Variants in MBOAT1 observed in about 807,000 individuals in gnomAD.
The protein encoded by MBOAT1 is membrane-bound glycerophospholipid O-acyltransferase 1.
In MBOAT1, 67 loss-of-function variants were observed where a neutral mutation model predicts 64.4. The ratio of observed to expected loss-of-function variants is 1.04; its 90% CI spans 0.85 to 1.27. The LOEUF (loss-of-function observed/expected upper bound fraction) is 1.27. Among genes scored for constraint, MBOAT1 ranks in the 50% most tolerant of loss-of-function variants. MBOAT1 has a pLI of 0.00. For synonymous variants in MBOAT1, 229 were observed against 218.9 expected (o/e 1.05, Z -0.41); for missense variants, 563 against 604.6 (o/e 0.93, Z 0.72).
rs1561752065 is a variant in MBOAT1 at position 20,124,686 on chromosome 6, G to A, written c.715-86C>T. 15 of 1,255,096 alleles carry A rather than the reference G, an allele frequency of 1.2e-5. No homozygotes were observed. The East Asian group carries it at 1.4e-4, about 12-fold the overall frequency. The allele number at this position is 1,255,096 out of a possible 1,614,324, so 77.7% of individuals were successfully genotyped here. On this transcript the variant is annotated intron_variant, in intron 7 of 12. Coordinates refer to ENST00000324607, the MANE Select transcript of MBOAT1 (RefSeq NM_001080480.3). ...TTGGAATGGACCTGTTAAGGACAAC[G>A]TTGCTCCAACAGCTGCTTGGCATTA... is the stretch of plus-strand genomic sequence containing the variant.
At position 20,190,221 on chromosome 6, in the gene MBOAT1, C is replaced by G. The variant is rs1762768232; in HGVS notation, c.99+21915G>C. ...TGTTGGCCAGGCTGGTCTTGATCTC[C>G]TGACCTCATGATTCACCCACCTTGG... On this transcript the variant is annotated intron_variant, in intron 1 of 12. Coordinates refer to ENST00000324607, the MANE Select transcript of MBOAT1 (RefSeq NM_001080480.3). 5.9e-5 allele frequency among the ~76,000 whole-genome samples: 9 copies of G among 152,274 alleles called. No individual in the cohort carries two copies. In the South Asian group the frequency reaches 1.9e-3, roughly 32 times the overall value.
Position 20,124,467 on chromosome 6 carries a change from C to G in MBOAT1, c.848G>C (p.Cys283Ser), listed in dbSNP as rs766387842. The part of the protein sequence containing the change: ...VHKASFPARL[C>S]YLYVVMQASK... Reference sequence around the variant, plus strand: ...GGCTTGCATGACAACATATAAGTAGCAGAGTCGAGCCGGAAAGCTTGCTTT... The same window carrying G: ...GGCTTGCATGACAACATATAAGTAGGAGAGTCGAGCCGGAAAGCTTGCTTT... The change falls in exon 8 of 13, where the codon TGC becomes TCC. Residue 283 changes from cysteine (C) to serine (S), a missense_variant. Coordinates refer to ENST00000324607, the MANE Select transcript of MBOAT1 (RefSeq NM_001080480.3). The G allele has an allele frequency of 5.0e-6, 8 of 1,614,156 alleles. No homozygotes were observed. The highest frequency in any genetic ancestry group is 5.1e-6 in the Non-Finnish European group (6 of 1,180,026).
rs535761120 is a variant in MBOAT1, at chr6:20,179,346, C to T, written c.100-26577G>A. On this transcript the variant is annotated intron_variant, in intron 1 of 12. Coordinates refer to ENST00000324607, the MANE Select transcript of MBOAT1 (RefSeq NM_001080480.3). The stretch of plus-strand genomic sequence containing the variant: ...TAAGCCCCATTGTGTGCTGTTCCCC[C>T]CAACCATGTGTCCATGTGTTCTCAT... Among the ~76,000 whole-genome samples, 5 of 152,260 alleles carry T rather than the reference C, an allele frequency of 3.3e-5. No individual in the cohort carries two copies. The South Asian group carries it at 8.3e-4, about 25-fold the overall frequency.
chr6:20,145,063 A>G (rs544599094), intron 3 of MBOAT1, among the ~76,000 whole-genome samples: 23 of 152,362 alleles, frequency 1.5e-4, no homozygotes, highest in African/African-American at 5.5e-4. Flanking sequence ...GTAATTATAA[A>G]TATAGGTGAT....
In MBOAT1 at chr6:20,124,613, A is replaced by T; in HGVS notation, c.715-13T>A. On this transcript the variant is annotated splice_polypyrimidine_tract_variant and intron_variant, in intron 7 of 12. Coordinates refer to ENST00000324607, the MANE Select transcript of MBOAT1 (RefSeq NM_001080480.3). The stretch of plus-strand genomic sequence containing the variant: ...GTATCACAGCTCCCTGAAAATGGGG[A>T]AAAATCAGTGTCACCGTGCAGAAGG... The T allele has an allele frequency of 6.2e-7, 1 of 1,613,074 alleles. No homozygotes were observed. Among genetic ancestry groups the T allele is most frequent in the South Asian group, 1.1e-5 (1 of 90,970 alleles).
intron 1 of MBOAT1, among the ~76,000 whole-genome samples, chr6:20,208,690 AG>A (rs112710742): frequency 3.9e-4 from 59 of 150,536 alleles, no homozygotes; most frequent in East Asian, 1.6e-3. Flanking sequence ...ATGCCAAATT[AG>A]GGGGAAAAAA....
rs776368594 is a variant in MBOAT1, at chr6:20,152,739, G to C, written c.130C>G (p.Leu44Val). The change falls in exon 2 of 13, where the codon CTG becomes GTG. Residue 44 changes from leucine (L) to valine (V), a missense_variant. Transcript: ENST00000324607. The part of the protein sequence containing the change: ...VNFVVCQLVA[L>V]FAAFWFRIYL... Reference sequence around the variant, plus strand: ...ATGCGAAACCAGAAAGCAGCAAACAGAGCAACAAGCTGGCATACCACAAAA... The same window carrying C: ...ATGCGAAACCAGAAAGCAGCAAACACAGCAACAAGCTGGCATACCACAAAA... The C allele has an allele frequency of 1.9e-6, 3 of 1,612,282 alleles. No individual in the cohort carries two copies. Among genetic ancestry groups the C allele is most frequent in the Non-Finnish European group, 2.5e-6 (3 of 1,178,800 alleles).
intron 1 of MBOAT1, among the ~76,000 whole-genome samples, chr6:20,169,940 C>G (rs1410559197): frequency 6.6e-6 from 1 of 152,192 alleles, no homozygotes; most frequent in Non-Finnish European, 1.5e-5. Context: ...CGACTATCTC[C>G]TTTCTTGCAA....
At chr6:20,160,699 AT>A (rs1761826920) in intron 1 of MBOAT1, among the ~76,000 whole-genome samples, 1 of 152,174 alleles carries the variant, frequency 6.6e-6, no homozygotes, top group South Asian at 2.1e-4. Context: ...ACTCTTTTGC[AT>A]TGCCCCCTAC....
rs142064382 is a variant in MBOAT1, at chr6:20,154,172, T to C, written c.100-1403A>G. 4.6e-3 allele frequency among the ~76,000 whole-genome samples: 699 copies of C among 152,334 alleles called. 6 individuals are homozygous for C. The highest frequency in any genetic ancestry group is 0.016 in the African/African-American group (670 of 41,566). On this transcript the variant is annotated intron_variant, in intron 1 of 12. Coordinates refer to ENST00000324607, the MANE Select transcript of MBOAT1 (RefSeq NM_001080480.3). Reference sequence around the variant, plus strand: ...ATTTTGTTTGCCCAGTGAAAAACAATACTTTGGACCCTTTGTAACTCGTAG... The same window carrying C: ...ATTTTGTTTGCCCAGTGAAAAACAACACTTTGGACCCTTTGTAACTCGTAG...
intron 11 of MBOAT1, among the ~76,000 whole-genome samples, chr6:20,111,053 T>C (rs1335625404): frequency 6.6e-6 from 1 of 152,224 alleles, no homozygotes; most frequent in Admixed American, 6.5e-5. Context: ...TCAAGCCTAT[T>C]ATGTTAGCAT....
At chr6:20,127,115 C>T (rs1760677349) in intron 6 of MBOAT1, among the ~76,000 whole-genome samples, 1 of 152,134 alleles carries the variant, frequency 6.6e-6, no homozygotes, top group Admixed American at 6.5e-5. Context: ...TCCCGATTGC[C>T]AACATAAATA....
chr6:20,188,998 G>T (rs912219470), intron 1 of MBOAT1, among the ~76,000 whole-genome samples: 1 of 152,052 alleles, frequency 6.6e-6, no homozygotes, highest in Non-Finnish European at 1.5e-5. Flanking sequence ...TATTCCCTCA[G>T]AGTCTTGGAA....
chr6:20,193,101 G>A (rs1454552345), intron 1 of MBOAT1, among the ~76,000 whole-genome samples: 1 of 140,868 alleles, frequency 7.1e-6, no homozygotes, highest in East Asian at 2.1e-4. Flanking sequence ...CGTCTCCCGG[G>A]TTCACGCCAT....
rs985799888 is a variant in MBOAT1 at position 20,131,056 on chromosome 6, A to G, written c.475+88T>C. The G allele has an allele frequency of 2.4e-5, 29 of 1,186,406 alleles. No homozygotes were observed. The African/African-American group carries it at 4.1e-4, about 17-fold the overall frequency. 73.5% of individuals were successfully genotyped at this position (1,186,406 alleles called of 1,614,324 possible). On this transcript the variant is annotated intron_variant, in intron 5 of 12. Transcript: ENST00000324607. ...AAGCAAGATCTGCCAGCATTTGTCT[A>G]AACTTTGGACTGTGTACATAGTATA...
chr6:20,184,226 G>T (rs1762586205), intron 1 of MBOAT1, among the ~76,000 whole-genome samples: 1 of 152,210 alleles, frequency 6.6e-6, no homozygotes, highest in Non-Finnish European at 1.5e-5. Flanking sequence ...ACCCATGAGG[G>T]GAGGGTATGT....
chr6:20,206,454 G>A (rs983400196), intron 1 of MBOAT1, among the ~76,000 whole-genome samples: 1 of 152,160 alleles, frequency 6.6e-6, no homozygotes, highest in Non-Finnish European at 1.5e-5. Context: ...GATTACAGGC[G>A]TGAGCCACCA....
intron 4 of MBOAT1, among the ~76,000 whole-genome samples, chr6:20,131,949 C>T (rs1178360827): frequency 6.6e-6 from 1 of 152,082 alleles, no homozygotes; most frequent in Non-Finnish European, 1.5e-5. Context: ...GTGGCATAAA[C>T]ATGGCTCACT....
At chr6:20,191,701 T>C (rs181614196) in intron 1 of MBOAT1, among the ~76,000 whole-genome samples, 162 of 152,340 alleles carry the variant, frequency 1.1e-3, no homozygotes, top group African/African-American at 3.7e-3. Context: ...AACAGGGCAA[T>C]TGCAGAGATG....
Sources: gnomAD v4.1 joint callset for allele counts (sites outside exome capture counted in the v4.1 genomes callset) on GRCh38, gnomAD v4.1.1 for gene constraint, MANE v1.5 for transcripts, NCBI Gene and HGNC (gene_info 2026-07-23, HGNC 2026-07-21) for gene names.